The following DAB2 variants were observed in gnomAD, a reference collection of about 807,000 sequenced individuals.
DAB2 encodes the protein DAB adaptor protein 2.
In DAB2, 28 loss-of-function variants were observed where a neutral mutation model predicts 71.6. The ratio of observed to expected loss-of-function variants is 0.39; its 90% CI spans 0.29 to 0.54. DAB2 has a LOEUF of 0.54. Among genes scored for constraint, DAB2 ranks in the 20% least tolerant of loss-of-function variants. The pLI is 0.68. For missense variants in DAB2, 867 were observed against 928.8 expected (o/e 0.93, Z 0.86); for synonymous variants, 345 against 339.7 (o/e 1.02, Z -0.17).
Position 39,389,889 on chromosome 5 carries a change from A to G in DAB2, c.506T>C (p.Ile169Thr), listed in dbSNP as rs762809568. 2 of 1,596,756 alleles carry G rather than the reference A, an allele frequency of 1.3e-6. No individual in the cohort carries two copies. Among genetic ancestry groups the G allele is most frequent in the South Asian group, 1.1e-5 (1 of 89,394 alleles). ...VVDLKDLFQV[I>T]YNVKKKEEEK... Reference sequence around the variant, plus strand: ...TTCTTCCTTTTTCTTTACATTATAGATAACTTGAAAAAGGTCTTTAAGATC... The same window carrying G: ...TTCTTCCTTTTTCTTTACATTATAGGTAACTTGAAAAAGGTCTTTAAGATC... Residue 169 changes from isoleucine to threonine, a missense_variant, in exon 6 of 15, where the codon ATC becomes ACC. Around this residue, in one of 2 missense-constraint regions of DAB2, gnomAD observed 740 missense variants for 734.3 expected, o/e 1.01. Coordinates refer to ENST00000320816, the MANE Select transcript of DAB2 (RefSeq NM_001343.4).
At chr5:39,385,192 A>C (rs572691873) in intron 9 of DAB2, 1 of 152,280 alleles carries the variant, frequency 6.6e-6, no homozygotes, top group Non-Finnish European at 1.5e-5. Flanking sequence ...AAAAAAATTT[A>C]ATCAGAGAAA....
chr5:39,407,152 C>G (rs1429349926), intron 1 of DAB2, among the ~76,000 whole-genome samples: 1 of 152,200 alleles, frequency 6.6e-6, no homozygotes, highest in Admixed American at 6.5e-5. Context: ...TCATGTCTGT[C>G]CTTTCTAAGC....
Position 39,394,262 on chromosome 5 carries a change from G to A in DAB2, c.59C>T (p.Pro20Leu), listed in dbSNP as rs751448504. Residue 20 changes from proline (P) to leucine (L), a missense_variant, in exon 2 of 15, where the codon CCA becomes CTA. By Grantham distance (98) the Pro-to-Leu change is moderately conservative. Transcript: ENST00000320816. The stretch of plus-strand genomic sequence containing the variant: ...TTTTTCCTTCTTTGAGGGTGCTTTT[G>A]GTGCGGCCTGTTGGTCGGGCTGACC... ...TNGQPDQQAA[P>L]KAPSKKEKKK... is the part of the protein sequence containing the mutation. The A allele has an allele frequency of 4.3e-6, 7 of 1,613,940 alleles. No homozygotes were observed. The highest frequency in any genetic ancestry group is 5.9e-6 in the Non-Finnish European group (7 of 1,179,994).
chr5:39,375,145 A>G (rs1014017467), intron 13 of DAB2, 61 bp from the exon 14 acceptor site: 5 of 1,259,398 alleles, frequency 4.0e-6, no homozygotes, highest in African/African-American at 1.5e-5. Context: ...AAAAATCGCA[A>G]TGAAGACTTC....
At chr5:39,391,876 T>C (rs1755234731) in intron 4 of DAB2, among the ~76,000 whole-genome samples, 1 of 151,374 alleles carries the variant, frequency 6.6e-6, no homozygotes, top group Non-Finnish European at 1.5e-5. Flanking sequence ...GTTCTAGCTT[T>C]AGGTTAGCCG....
At chr5:39,409,883 G>A (rs546296309) in intron 1 of DAB2, among the ~76,000 whole-genome samples, 3 of 152,228 alleles carry the variant, frequency 2.0e-5, no homozygotes, top group Admixed American at 6.5e-5. Flanking sequence ...ATAGTGTTTC[G>A]GAGAACTAAG....
chr5:39,414,547 G>A (rs1561380605), intron 1 of DAB2, among the ~76,000 whole-genome samples: 1 of 152,064 alleles, frequency 6.6e-6, no homozygotes, highest in Non-Finnish European at 1.5e-5. Flanking sequence ...AGATATATGA[G>A]CAATGATGAA....
At chr5:39,399,770 G>T (rs1326421624) in intron 1 of DAB2, among the ~76,000 whole-genome samples, 5 of 152,196 alleles carry the variant, frequency 3.3e-5, no homozygotes, top group African/African-American at 1.2e-4. Context: ...ATCAGCTGTT[G>T]CTTAGTCCTT....
chr5:39,392,763 A>G (rs1755265937), intron 3 of DAB2, among the ~76,000 whole-genome samples: 1 of 152,196 alleles, frequency 6.6e-6, no homozygotes, highest in African/African-American at 2.4e-5. Context: ...TGAACTATTG[A>G]ACAAGTATTA....
rs1319026964 is a variant in DAB2 at position 39,393,204 on chromosome 5, CTCT to C, written c.231+47_231+49del. On this transcript the variant is annotated intron_variant, in intron 3 of 14. Transcript: ENST00000320816. ...ACAAGAGCTTCTAATATAATTCCCT[CTCT>C]TGGACTTTTGCTTAATATACAGATA... 3 of 1,582,198 alleles carry C rather than the reference CTCT, an allele frequency of 1.9e-6. No individual in the cohort carries two copies. In the East Asian group the frequency reaches 6.7e-5, roughly 35 times the overall value.
intron 1 of DAB2, among the ~76,000 whole-genome samples, chr5:39,403,599 T>C (rs1459912762): frequency 6.6e-6 from 1 of 152,222 alleles, no homozygotes; most frequent in Non-Finnish European, 1.5e-5. Flanking sequence ...ACTGTCTCAT[T>C]AATATTGATT....
In DAB2 at chr5:39,394,381, C is replaced by A; in HGVS notation, c.-61G>T. On this transcript the variant is annotated 5_prime_UTR_variant, in exon 2 of 15. Transcript: ENST00000320816. ...GACACTTGGTGACACCAGGCGATCCCGATGGAGAAGTCTCAAATAAACATA... is the reference window on the plus strand; with the variant it reads ...GACACTTGGTGACACCAGGCGATCCAGATGGAGAAGTCTCAAATAAACATA... 7.9e-7 allele frequency: 1 copy of A among 1,268,996 alleles called. No individual in the cohort carries two copies. Among genetic ancestry groups the A allele is most frequent in the Non-Finnish European group, 1.2e-6 (1 of 866,432 alleles). 78.6% of individuals were successfully genotyped at this position (1,268,996 alleles called of 1,614,324 possible).
At chr5:39,411,861 T>C (rs1283075061) in intron 1 of DAB2, among the ~76,000 whole-genome samples, 1 of 152,204 alleles carries the variant, frequency 6.6e-6, no homozygotes, top group African/African-American at 2.4e-5. Context: ...TTTTTTTAAC[T>C]AGCAATGTGT....
intron 14 of DAB2, 95 bp downstream of exon 14, chr5:39,374,919 C>A: frequency 1.2e-6 from 1 of 808,300 alleles, no homozygotes; most frequent in East Asian, 2.5e-5. Flanking sequence ...TATTTACCCT[C>A]TTCCCAATTC....
intron 11 of DAB2, among the ~76,000 whole-genome samples, chr5:39,377,686 C>A (rs1412565157): frequency 6.6e-6 from 1 of 152,090 alleles, no homozygotes; most frequent in Non-Finnish European, 1.5e-5. Context: ...TATGCATGAA[C>A]CATGCTGATT....
chr5:39,399,887 A>G (rs1755455992), intron 1 of DAB2, among the ~76,000 whole-genome samples: 1 of 152,208 alleles, frequency 6.6e-6, no homozygotes, highest in Non-Finnish European at 1.5e-5. Context: ...CACTTCTTAT[A>G]TATCCTTATC....
chr5:39,398,572 A>C (rs1174602096), intron 1 of DAB2, among the ~76,000 whole-genome samples: 1 of 152,206 alleles, frequency 6.6e-6, no homozygotes, highest in Non-Finnish European at 1.5e-5. Context: ...TGCAATAGCC[A>C]AGGGTAAGTC....
chr5:39,407,052 G>T (rs1755624555), intron 1 of DAB2, among the ~76,000 whole-genome samples: 1 of 152,072 alleles, frequency 6.6e-6, no homozygotes, highest in Admixed American at 6.5e-5. Flanking sequence ...AAGACTCAGA[G>T]GCAACGCACT....
intron 1 of DAB2, among the ~76,000 whole-genome samples, chr5:39,410,502 A>AATG (rs3052377): frequency 0.1 from 15,782 of 152,106 alleles, 915 homozygotes; most frequent in South Asian, 0.21. Flanking sequence ...TTTAAAAGGC[A>AATG]ATGCATTAAT....
Sources: allele counts gnomAD v4.1 joint callset (sites outside exome capture counted in the v4.1 genomes callset), GRCh38; gene constraint gnomAD v4.1.1; regional missense constraint gnomAD v4.1.1; transcripts MANE v1.5; gene names NCBI Gene and HGNC (gene_info 2026-07-23, HGNC 2026-07-21).